EYS: variants seen among roughly 807,000 people sequenced by gnomAD.
The protein encoded by EYS is EGF-like photoreceptor maintenance factor.
Under a neutral mutation model 282.1 loss-of-function variants are expected in EYS, and 250 were observed. The ratio of observed to expected loss-of-function variants is 0.89; its 90% confidence interval spans 0.80 to 0.98. EYS has a LOEUF of 0.98. Ranked by LOEUF, EYS falls within the 50% of genes least tolerant of loss-of-function variation. EYS has a pLI of 0.00. For missense variants in EYS, 4,016 were observed against 3,709.0 expected (o/e 1.08, Z -2.15); for synonymous variants, 1,355 against 1,282.9 (o/e 1.06, Z -1.20).
intron 28 of EYS, among the ~76,000 whole-genome samples, chr6:64,392,805 C>CA (rs1298307115): frequency 6.0e-4 from 91 of 151,130 alleles, no homozygotes; most frequent in African/African-American, 2.0e-3. Context: ...AATAGAGACA[C>CA]AAAAAACCCT....
chr6:64,993,757 T>A (rs1367501589), intron 14 of EYS, among the ~76,000 whole-genome samples: 3 of 150,356 alleles, frequency 2.0e-5, no homozygotes, highest in East Asian at 3.9e-4. Context: ...GAAAAAAAAA[T>A]TGACATGGAT....
chr6:64,564,941 A>G (rs1183644684), intron 26 of EYS, among the ~76,000 whole-genome samples: 1 of 152,120 alleles, frequency 6.6e-6, no homozygotes, highest in African/African-American at 2.4e-5. Flanking sequence ...TATGTTGAAC[A>G]TTTTTTATAC....
In EYS at chr6:65,543,470, T is replaced by G. The variant is rs919759017; in HGVS notation, c.-332-47477A>C. On this transcript the variant is annotated intron_variant, in intron 2 of 42. Coordinates refer to ENST00000503581, the MANE Select transcript of EYS (RefSeq NM_001142800.2). Reference sequence around the variant, plus strand: ...ATGTATACTATTTATATATTAATTATGTGTGTGTATATATCTATATATATA... The same window carrying G: ...ATGTATACTATTTATATATTAATTAGGTGTGTGTATATATCTATATATATA... 2.0e-5 allele frequency among the ~76,000 whole-genome samples: 3 copies of G among 148,314 alleles called. No homozygotes were observed. The East Asian group carries it at 5.8e-4, about 29-fold the overall frequency.
intron 35 of EYS, among the ~76,000 whole-genome samples, chr6:63,908,829 C>A (rs1255999915): frequency 6.6e-6 from 1 of 152,100 alleles, no homozygotes; most frequent in Non-Finnish European, 1.5e-5. Flanking sequence ...ATAGCATCAG[C>A]CCTGACCTCA....
In EYS at chr6:65,560,294, CAT is replaced by C. The variant is rs201735128; in HGVS notation, c.-332-64303_-332-64302del. Among the ~76,000 whole-genome samples the C allele has an allele frequency of 7.9e-3, 1,110 of 140,834 alleles. 18 individuals are homozygous for C. The highest frequency in any genetic ancestry group is 0.026 in the African/African-American group (992 of 37,800). 92.4% of individuals were successfully genotyped at this position (140,834 alleles called of 152,430 possible). A position where few individuals can be genotyped will look rare whatever the true frequency, so the allele number is the denominator to read the frequency against. ...AACATATAACATATTATTAATATAA[CAT>C]ATAATAATATATAATATATTATTAA... On this transcript the variant is annotated intron_variant, in intron 2 of 42. Coordinates refer to ENST00000503581, the MANE Select transcript of EYS (RefSeq NM_001142800.2).
At chr6:65,168,068 C>G (rs1204952374) in intron 12 of EYS, among the ~76,000 whole-genome samples, 1 of 143,386 alleles carries the variant, frequency 7.0e-6, no homozygotes, top group Non-Finnish European at 1.6e-5. Flanking sequence ...GCTGTATTCT[C>G]TATTTTTTTC....
chr6:64,721,034 C>T (rs1771562184), intron 22 of EYS, among the ~76,000 whole-genome samples: 1 of 152,056 alleles, frequency 6.6e-6, no homozygotes, highest in African/African-American at 2.4e-5. Flanking sequence ...GCCAAATATT[C>T]CAACTTACAC....
chr6:64,708,664 G>T (rs1222777545), intron 22 of EYS, among the ~76,000 whole-genome samples: 1 of 152,170 alleles, frequency 6.6e-6, no homozygotes, highest in African/African-American at 2.4e-5. Flanking sequence ...GGGCAAGTTT[G>T]CTAGTATATC....
chr6:64,668,536 C>T (rs568237972), intron 22 of EYS, among the ~76,000 whole-genome samples: 1 of 147,496 alleles, frequency 6.8e-6, no homozygotes, highest in Admixed American at 6.9e-5. Context: ...CAGCTAGTAC[C>T]ACAATTCTTT....
chr6:63,878,913 C>T (rs1183347303), intron 35 of EYS, among the ~76,000 whole-genome samples: 2 of 152,152 alleles, frequency 1.3e-5, no homozygotes, highest in Non-Finnish European at 2.9e-5. Context: ...TTCCCCGACT[C>T]CTTATGCTTC....
intron 12 of EYS, among the ~76,000 whole-genome samples, chr6:65,286,506 C>G (rs777750350): frequency 6.6e-6 from 1 of 151,634 alleles, no homozygotes; most frequent in Non-Finnish European, 1.5e-5. Context: ...AAAATCAGGA[C>G]CTGTAACCCA....
chr6:65,083,562 A>G (rs899629284), intron 12 of EYS, among the ~76,000 whole-genome samples: 12 of 151,956 alleles, frequency 7.9e-5, no homozygotes, highest in African/African-American at 2.9e-4. Flanking sequence ...AATAAAATAC[A>G]TAACTGATAC....
chr6:64,053,863 T>C (rs3003679), intron 33 of EYS, among the ~76,000 whole-genome samples: 17,323 of 152,162 alleles, frequency 0.11, 1,965 homozygotes, highest in African/African-American at 0.29. Flanking sequence ...TCTAATTTCT[T>C]GTATGAGCAT....
intron 2 of EYS, among the ~76,000 whole-genome samples, chr6:65,571,030 T>A (rs936629069): frequency 3.3e-5 from 5 of 152,144 alleles, no homozygotes; most frequent in Non-Finnish European, 5.9e-5. Flanking sequence ...AAATACTGAA[T>A]AATTGCTTTG....
intron 22 of EYS, among the ~76,000 whole-genome samples, chr6:64,673,863 C>A (rs548438959): frequency 3.3e-4 from 50 of 152,072 alleles, no homozygotes; most frequent in African/African-American, 1.2e-3. Context: ...AAATAGAAAC[C>A]TGTACTTTGC....
At chr6:64,722,444 G>A (rs13199892) in intron 22 of EYS, among the ~76,000 whole-genome samples, 2,163 of 150,672 alleles carry the variant, frequency 0.014, 30 homozygotes, top group Non-Finnish European at 0.024. Flanking sequence ...GAAGAGGAGG[G>A]ATAATGTGAA....
At chr6:64,260,432 C>A (rs1474832) in intron 30 of EYS, among the ~76,000 whole-genome samples, 104,487 of 151,898 alleles carry the variant, frequency 0.69, 35,957 homozygotes, top group South Asian at 0.71. Context: ...GCCTTCTTAT[C>A]AAGTAGTTCT....
chr6:63,998,045 C>T (rs1767914837), intron 34 of EYS, among the ~76,000 whole-genome samples: 1 of 152,006 alleles, frequency 6.6e-6, no homozygotes, highest in South Asian at 2.1e-4. Context: ...TTTATTCCTA[C>T]CCTAACAACC....
intron 29 of EYS, among the ~76,000 whole-genome samples, chr6:64,375,628 T>C (rs1772537468): frequency 6.6e-6 from 1 of 152,170 alleles, no homozygotes; most frequent in Non-Finnish European, 1.5e-5. Context: ...TGAAGACAGC[T>C]GAAGAGCCAA....
Sources: gnomAD v4.1 joint callset for allele counts (sites outside exome capture counted in the v4.1 genomes callset) on GRCh38, gnomAD v4.1.1 for gene constraint, MANE v1.5 for transcripts, NCBI Gene and HGNC (gene_info 2026-07-23, HGNC 2026-07-21) for gene names.